CSMD1: variants seen among roughly 807,000 people sequenced by gnomAD.
The protein encoded by CSMD1 is CUB and Sushi multiple domains 1.
CSMD1 carries 213 observed loss-of-function variants against 417.5 expected under a neutral mutation model. That is an observed-to-expected ratio of 0.51 (90% confidence interval 0.46 to 0.57). The LOEUF is 0.57. Among genes scored for constraint, CSMD1 ranks in the 20% least tolerant of loss-of-function variants. The pLI, the probability that CSMD1 is intolerant of heterozygous loss-of-function variation, is 0.00. For synonymous variants in CSMD1, 2,862 were observed against 1,736.8 expected (o/e 1.65, Z -16.11); for missense variants, 6,923 against 4,529.7 (o/e 1.53, Z -15.17).
intron 1 of CSMD1, among the ~76,000 whole-genome samples, chr8:4,822,821 A>AT (rs376631482): frequency 1.1e-4 from 17 of 152,104 alleles, no homozygotes; most frequent in African/African-American, 3.9e-4. Flanking sequence ...TGATGAAACC[A>AT]TATGTATTTT....
At chr8:3,120,845 C>A (rs1486518699) in intron 41 of CSMD1, among the ~76,000 whole-genome samples, 5 of 151,878 alleles carry the variant, frequency 3.3e-5, no homozygotes, top group Non-Finnish European at 7.4e-5. Flanking sequence ...GACTCCATCA[C>A]AAATAAATAA....
chr8:3,351,695 C>T (rs536627745), intron 21 of CSMD1, among the ~76,000 whole-genome samples: 21 of 146,740 alleles, frequency 1.4e-4, no homozygotes, highest in South Asian at 4.3e-4. Flanking sequence ...AAATGATATA[C>T]GAATAATTGT....
chr8:3,808,972 C>G (rs1009297277), intron 5 of CSMD1, among the ~76,000 whole-genome samples: 32 of 152,138 alleles, frequency 2.1e-4, no homozygotes, highest in African/African-American at 7.5e-4. Flanking sequence ...AGCCAAGGCA[C>G]TGGTTAAACA....
intron 7 of CSMD1, among the ~76,000 whole-genome samples, chr8:3,632,077 T>C (rs1796809218): frequency 6.6e-6 from 1 of 152,202 alleles, no homozygotes; most frequent in African/African-American, 2.4e-5. Flanking sequence ...TCTCTTCAGA[T>C]TTTGTTATTG....
chr8:4,102,818 G>T (rs889611404), intron 3 of CSMD1, among the ~76,000 whole-genome samples: 2 of 152,066 alleles, frequency 1.3e-5, no homozygotes, highest in Non-Finnish European at 2.9e-5. Flanking sequence ...TGTGCAGCCC[G>T]CATTCATATC....
At chr8:3,938,353 T>C (rs761160767) in intron 5 of CSMD1, among the ~76,000 whole-genome samples, 2 of 152,096 alleles carry the variant, frequency 1.3e-5, no homozygotes, top group African/African-American at 4.8e-5. Flanking sequence ...CAACATAAAG[T>C]AATAGAGTCA....
rs567603904 is a variant in CSMD1 at position 4,220,295 on chromosome 8, G to C, written c.416-188196C>G. ...CTTGTCAGTGAGGCCTTCCTGACAAGGTTATTTGACTGGAAATTTGAAGCG... is the reference window on the plus strand; with the variant it reads ...CTTGTCAGTGAGGCCTTCCTGACAACGTTATTTGACTGGAAATTTGAAGCG... On this transcript the variant is annotated intron_variant, in intron 3 of 69. Transcript: ENST00000635120. Among the ~76,000 whole-genome samples the C allele has an allele frequency of 2.0e-3, 311 of 152,260 alleles. 3 individuals carry two copies. Among genetic ancestry groups the C allele is most frequent in the Non-Finnish European group, 3.5e-4 (24 of 68,026 alleles).
intron 3 of CSMD1, among the ~76,000 whole-genome samples, chr8:4,033,920 G>C (rs976494936): frequency 3.3e-5 from 5 of 152,104 alleles, no homozygotes; most frequent in Admixed American, 2.6e-4. Flanking sequence ...CCATATCTAA[G>C]GTTTAAATTT....
chr8:4,010,362 T>C (rs892968782), intron 4 of CSMD1, among the ~76,000 whole-genome samples: 1 of 152,138 alleles, frequency 6.6e-6, no homozygotes, highest in African/African-American at 2.4e-5. Flanking sequence ...TCCAAGAAGA[T>C]TTAAACTTCG....
At chr8:3,585,981 G>T (rs911815749) in intron 9 of CSMD1, among the ~76,000 whole-genome samples, 155 bp downstream of exon 9, 3 of 152,186 alleles carry the variant, frequency 2.0e-5, no homozygotes, top group African/African-American at 4.8e-5. Context: ...CCAAGGAAAG[G>T]TTTCTGTTAT....
At chr8:3,650,574 G>A (rs568562389) in intron 7 of CSMD1, among the ~76,000 whole-genome samples, 2 of 152,238 alleles carry the variant, frequency 1.3e-5, no homozygotes, top group South Asian at 4.1e-4. Context: ...ATTGTATACT[G>A]CTAGTTATTC....
intron 1 of CSMD1, among the ~76,000 whole-genome samples, chr8:4,690,524 G>C (rs1169037184): frequency 6.6e-6 from 1 of 152,104 alleles, no homozygotes; most frequent in Admixed American, 6.5e-5. Flanking sequence ...GTATTTCCTG[G>C]AAAATCTATC....
intron 3 of CSMD1, among the ~76,000 whole-genome samples, chr8:4,285,426 A>C (rs755025149): frequency 6.6e-6 from 1 of 152,242 alleles, no homozygotes; most frequent in Non-Finnish European, 1.5e-5. Flanking sequence ...TTCTCATAAG[A>C]AACACCTAGA....
At chr8:4,074,602 A>C (rs563271644) in intron 3 of CSMD1, among the ~76,000 whole-genome samples, 136 of 152,148 alleles carry the variant, frequency 8.9e-4, no homozygotes, top group Non-Finnish European at 1.6e-3. Flanking sequence ...AATCATTTCA[A>C]ACTACTGTCC....
chr8:4,609,883 G>A (rs1801072455), intron 2 of CSMD1, among the ~76,000 whole-genome samples: 1 of 152,096 alleles, frequency 6.6e-6, no homozygotes, highest in African/African-American at 2.4e-5. Flanking sequence ...ATGGGATGCA[G>A]GATATTTTCA....
chr8:4,269,849 C>A (rs1250418834), intron 3 of CSMD1, among the ~76,000 whole-genome samples: 4 of 152,152 alleles, frequency 2.6e-5, no homozygotes, highest in African/African-American at 7.2e-5. Context: ...CCTTCCCCTA[C>A]AAAATGTCTT....
intron 27 of CSMD1, among the ~76,000 whole-genome samples, chr8:3,229,377 G>C (rs1282163867): frequency 1.3e-5 from 2 of 152,100 alleles, no homozygotes; most frequent in East Asian, 1.9e-4. Context: ...ATATTTTATT[G>C]AATGAAGAGA....
intron 1 of CSMD1, among the ~76,000 whole-genome samples, chr8:4,679,327 C>A (rs1250647122): frequency 6.6e-6 from 1 of 152,028 alleles, no homozygotes; most frequent in African/African-American, 2.4e-5. Context: ...CACCTTCTGC[C>A]CATTTTTGAT....
At chr8:3,940,777 C>T (rs902992175) in intron 5 of CSMD1, among the ~76,000 whole-genome samples, 3 of 151,666 alleles carry the variant, frequency 2.0e-5, no homozygotes, top group Admixed American at 6.6e-5. Flanking sequence ...ACACAGTTCT[C>T]TTTTTATTAA....
Sources: gnomAD v4.1 joint callset for allele counts (sites outside exome capture counted in the v4.1 genomes callset) on GRCh38, gnomAD v4.1.1 for gene constraint, MANE v1.5 for transcripts, NCBI Gene and HGNC (gene_info 2026-07-23, HGNC 2026-07-21) for gene names.